Variants in SFMBT2 observed in about 807,000 individuals in gnomAD.
SFMBT2 encodes the protein scm-like with four MBT domains protein 2.
SFMBT2 carries 38 observed loss-of-function variants against 110.1 expected under a neutral mutation model. The ratio of observed to expected loss-of-function variants is 0.35; its 90% confidence interval spans 0.27 to 0.45. The LOEUF (loss-of-function observed/expected upper bound fraction) is 0.45. Ranked by LOEUF, SFMBT2 falls within the 20% of genes least tolerant of loss-of-function variation. SFMBT2 has a pLI of 1.00. For missense variants in SFMBT2, 1,011 were observed against 1,094.9 expected (o/e 0.92, Z 1.08); for synonymous variants, 425 against 425.4 (o/e 1.00, Z 0.01).
chr10:7,320,348 C>A (rs138769560), intron 4 of SFMBT2, among the ~76,000 whole-genome samples: 7 of 152,238 alleles, frequency 4.6e-5, no homozygotes, highest in African/African-American at 1.7e-4. Flanking sequence ...CCATCTTGCC[C>A]CGCGGTATAA....
intron 4 of SFMBT2, among the ~76,000 whole-genome samples, chr10:7,352,925 G>A (rs954485080): frequency 2.0e-5 from 3 of 152,152 alleles, no homozygotes; most frequent in African/African-American, 7.2e-5. Context: ...CAGGAGAATG[G>A]TGTGAACCCA....
intron 1 of SFMBT2, among the ~76,000 whole-genome samples, chr10:7,390,537 T>A (rs927313351): frequency 6.6e-6 from 1 of 152,216 alleles, no homozygotes; most frequent in Non-Finnish European, 1.5e-5. Flanking sequence ...ACAAAGACTA[T>A]TTGCTTTTTT....
At chr10:7,254,021 A>G (rs1320981322) in intron 7 of SFMBT2, among the ~76,000 whole-genome samples, 6 of 152,172 alleles carry the variant, frequency 3.9e-5, no homozygotes, top group Admixed American at 3.9e-4. Context: ...GAGCGTGACA[A>G]TATTTTCTGA....
At chr10:7,338,991 C>A (rs1392865119) in intron 4 of SFMBT2, among the ~76,000 whole-genome samples, 1 of 152,128 alleles carries the variant, frequency 6.6e-6, no homozygotes, top group Non-Finnish European at 1.5e-5. Context: ...TGTAATCCTA[C>A]CACTTTGGGA....
chr10:7,188,363 G>GT (rs1324877961), intron 16 of SFMBT2, among the ~76,000 whole-genome samples: 1 of 152,168 alleles, frequency 6.6e-6, no homozygotes, highest in Non-Finnish European at 1.5e-5. Flanking sequence ...AACATACCAA[G>GT]TTTTTATGAT....
At chr10:7,269,105 G>GT (rs1421572096) in intron 7 of SFMBT2, among the ~76,000 whole-genome samples, 1 of 152,090 alleles carries the variant, frequency 6.6e-6, no homozygotes, top group Non-Finnish European at 1.5e-5. Context: ...TGTCCTTTGA[G>GT]TTTTTTTAAA....
chr10:7,176,297 T>A (rs763344292), intron 16 of SFMBT2, 132 bp from the exon 17 acceptor site: 87 of 1,076,042 alleles, frequency 8.1e-5, no homozygotes, highest in Non-Finnish European at 1.1e-4. Flanking sequence ...TTTCCCATGT[T>A]GCTTCTGTTA....
chr10:7,324,568 T>G (rs1336510898), intron 4 of SFMBT2, among the ~76,000 whole-genome samples: 1 of 152,264 alleles, frequency 6.6e-6, no homozygotes, highest in Non-Finnish European at 1.5e-5. Flanking sequence ...AAGGCAGATA[T>G]GGCTGTACTC....
intron 4 of SFMBT2, among the ~76,000 whole-genome samples, chr10:7,333,802 C>G (rs557306113): frequency 1.3e-5 from 2 of 151,896 alleles, no homozygotes; most frequent in Non-Finnish European, 2.9e-5. Context: ...CTCTCTCCCC[C>G]ACTCCCGCTT....
At chr10:7,400,121 C>T (rs1156556491) in intron 1 of SFMBT2, among the ~76,000 whole-genome samples, 1 of 152,136 alleles carries the variant, frequency 6.6e-6, no homozygotes, top group Non-Finnish European at 1.5e-5. Context: ...GCAGGAGAAC[C>T]TGAAAAATAT....
chr10:7,251,497 C>T (rs1460065503), intron 7 of SFMBT2, among the ~76,000 whole-genome samples: 1 of 146,534 alleles, frequency 6.8e-6, no homozygotes, highest in African/African-American at 2.5e-5. Flanking sequence ...TCCTGTCAGA[C>T]AACCATGTCC....
At chr10:7,366,034 G>A (rs1474488826) in intron 4 of SFMBT2, among the ~76,000 whole-genome samples, 1 of 152,158 alleles carries the variant, frequency 6.6e-6, no homozygotes, top group African/African-American at 2.4e-5. Context: ...TGAAGGCGCA[G>A]GCAGCCACGT....
At chr10:7,348,112 C>T (rs1316711595) in intron 4 of SFMBT2, 8 of 468,044 alleles carry the variant, frequency 1.7e-5, no homozygotes, top group East Asian at 6.5e-5. Flanking sequence ...TTCATCTCTA[C>T]GAGTCAATCA....
intron 4 of SFMBT2, among the ~76,000 whole-genome samples, chr10:7,322,495 G>T (rs979911805): frequency 7.9e-5 from 12 of 152,212 alleles, no homozygotes; most frequent in Admixed American, 7.2e-4. Context: ...AACAATGACT[G>T]CCCTATATAC....
chr10:7,272,275 TTAAAA>T, intron 7 of SFMBT2, among the ~76,000 whole-genome samples: 1 of 152,230 alleles, frequency 6.6e-6, no homozygotes, highest in South Asian at 2.1e-4. Flanking sequence ...GAGACTTTTT[TTAAAA>T]AAGACACACC....
intron 8 of SFMBT2, among the ~76,000 whole-genome samples, chr10:7,247,029 A>G (rs1225809617): frequency 6.6e-6 from 1 of 152,262 alleles, no homozygotes; most frequent in East Asian, 1.9e-4. Context: ...TCAGGAATAC[A>G]TGACTTTCAA....
intron 4 of SFMBT2, among the ~76,000 whole-genome samples, chr10:7,324,086 C>CCTG (rs1305620124): frequency 6.6e-6 from 1 of 152,168 alleles, no homozygotes; most frequent in Admixed American, 6.5e-5. Flanking sequence ...AAAGTACATG[C>CCTG]CTGTGTAAAT....
At chr10:7,279,303 A>G (rs565106444) in intron 6 of SFMBT2, among the ~76,000 whole-genome samples, 13 of 152,308 alleles carry the variant, frequency 8.5e-5, no homozygotes, top group African/African-American at 2.9e-4. Flanking sequence ...CCTCCACACC[A>G]GAGACAAAGG....
chr10:7,369,540 A>G (rs1845005824), intron 3 of SFMBT2, among the ~76,000 whole-genome samples: 1 of 152,210 alleles, frequency 6.6e-6, no homozygotes, highest in African/African-American at 2.4e-5. Context: ...CCAAAGAAAC[A>G]TTATTGATGA....
Sources: gnomAD v4.1 joint callset for allele counts (sites outside exome capture counted in the v4.1 genomes callset) on GRCh38, gnomAD v4.1.1 for gene constraint, MANE v1.5 for transcripts, NCBI Gene and HGNC (gene_info 2026-07-23, HGNC 2026-07-21) for gene names.